Variants in ARHGAP23 observed in about 807,000 individuals in gnomAD.
ARHGAP23 encodes Rho GTPase activating protein 23.
In ARHGAP23, 34 loss-of-function variants were observed where a neutral mutation model predicts 136.3. The ratio of observed to expected loss-of-function variants is 0.25; its 90% CI spans 0.19 to 0.33. The LOEUF is 0.33. Ranked by LOEUF, ARHGAP23 falls within the 10% of genes least tolerant of loss-of-function variation. The pLI is 1.00. For synonymous variants in ARHGAP23, 832 were observed against 920.5 expected (o/e 0.90, Z 1.74); for missense variants, 1,808 against 2,139.0 (o/e 0.85, Z 3.05).
intron 21 of ARHGAP23, among the ~76,000 whole-genome samples, 196 bp from the exon 22 acceptor site, chr17:38,498,218 A>G (rs1047626288): frequency 2.0e-5 from 3 of 152,138 alleles, no homozygotes; most frequent in Non-Finnish European, 4.4e-5. Context: ...GTGTTGAGGA[A>G]GGCACAAAAC....
Position 38,466,774 on chromosome 17 carries a change from C to T in ARHGAP23, c.1091C>T (p.Ala364Val), listed in dbSNP as rs1390789324. 1.3e-6 allele frequency: 2 copies of T among 1,549,130 alleles called. No homozygotes were observed. Among genetic ancestry groups the T allele is most frequent in the Non-Finnish European group, 8.7e-7 (1 of 1,146,364 alleles). ...AGCCGGGCCACCCGTTCTGCCGAGG[C>T]ACTGGGGCCAGGGGCACTGGTGTCA... Reference protein sequence around the residue: ...YLSRATRSAEALGPGALVSPR... With the variant: ...YLSRATRSAEVLGPGALVSPR... Residue 364 changes from alanine (A) to valine (V), a missense_variant, in exon 7 of 24, where the codon GCA (alanine) becomes GTA (valine). Coordinates refer to ENST00000622683, the MANE Select transcript of ARHGAP23 (RefSeq NM_001199417.2).
intron 23 of ARHGAP23, among the ~76,000 whole-genome samples, chr17:38,501,580 C>T (rs1023737603): frequency 1.3e-4 from 20 of 152,076 alleles, no homozygotes; most frequent in Non-Finnish European, 2.5e-4. Flanking sequence ...GGATTACAGG[C>T]GTGAGTCACT....
chr17:38,505,044 A>G (rs1338479267), intron 23 of ARHGAP23, among the ~76,000 whole-genome samples: 1 of 105,618 alleles, frequency 9.5e-6, no homozygotes, highest in Non-Finnish European at 1.7e-5. Flanking sequence ...TTGCTCTGTC[A>G]CCCAGGCTGG....
intron 1 of ARHGAP23, among the ~76,000 whole-genome samples, chr17:38,442,104 C>T (rs1051685810): frequency 4.6e-5 from 7 of 152,268 alleles, no homozygotes; most frequent in Admixed American, 3.9e-4. Flanking sequence ...TACAGGCGTG[C>T]CCCACGGCAC....
At chr17:38,460,269 C>G (rs577059837) in intron 2 of ARHGAP23, among the ~76,000 whole-genome samples, 81 of 152,232 alleles carry the variant, frequency 5.3e-4, no homozygotes, top group Non-Finnish European at 9.6e-4. Flanking sequence ...TCCACTCTCT[C>G]TCACAGAAGA....
chr17:38,486,150 A>T lies in ARHGAP23; in HGVS notation c.2986+10A>T. ...CCTCTTTTCACTGATGGTGAGTAGG[A>T]GGTGGAAGTGGGGCGGGGAGGGGAC... On this transcript the variant is annotated intron_variant, in intron 17 of 23. Coordinates refer to ENST00000622683, the MANE Select transcript of ARHGAP23 (RefSeq NM_001199417.2). 3 of 1,549,718 alleles carry T rather than the reference A, an allele frequency of 1.9e-6. No homozygotes were observed. The highest frequency in any genetic ancestry group is 2.6e-6 in the Non-Finnish European group (3 of 1,145,800).
At chr17:38,454,198 G>T in intron 1 of ARHGAP23, 2 of 153,028 alleles carry the variant, frequency 1.3e-5, no homozygotes, top group South Asian at 3.6e-4. Flanking sequence ...GTCTGAGTGG[G>T]ACTGGGTCAC....
intron 23 of ARHGAP23, among the ~76,000 whole-genome samples, chr17:38,504,257 G>A (rs1161331380): frequency 1.3e-5 from 2 of 152,186 alleles, no homozygotes; most frequent in African/African-American, 2.4e-5. Context: ...CGAGGCTGCC[G>A]GTCTATTAAG....
chr17:38,428,447 C>G, upstream of ARHGAP23: 2 of 1,362,838 alleles, frequency 1.5e-6, no homozygotes, highest in African/African-American at 1.5e-5. Flanking sequence ...GCCGGCGCCC[C>G]CAGCCGTGCC....
At chr17:38,450,421 AT>A (rs1269029796) in intron 1 of ARHGAP23, 2 of 151,896 alleles carry the variant, frequency 1.3e-5, no homozygotes, top group African/African-American at 2.4e-5. Context: ...ATTCTTATTT[AT>A]TTATTTATTT....
Position 38,467,212 on chromosome 17 carries a change from A to G in ARHGAP23, c.1529A>G (p.Asn510Ser), listed in dbSNP as rs1431841838. ...KVQLTPARQM[N>S]LGFGDESPEP... is the part of the protein sequence containing the mutation. The stretch of plus-strand genomic sequence containing the variant: ...CAGCTGACCCCCGCAAGACAGATGA[A>G]CCTTGGATTTGGTGACGAGTCCCCA... The change falls in exon 7 of 24, where the codon AAC becomes AGC. Residue 510 changes from asparagine to serine, a missense_variant. By Grantham distance (46) the Asn-to-Ser change is conservative. Around this residue, in one of 7 missense-constraint regions of ARHGAP23, gnomAD observed 859 missense variants for 936.4 expected, o/e 0.92. Transcript: ENST00000622683. 1.3e-6 allele frequency: 2 copies of G among 1,550,888 alleles called. No individual in the cohort carries two copies. Among genetic ancestry groups the G allele is most frequent in the Admixed American group, 3.9e-5 (2 of 50,992 alleles).
chr17:38,437,796 G>GA (rs1555576670), intron 1 of ARHGAP23, among the ~76,000 whole-genome samples: 2 of 16,366 alleles, frequency 1.2e-4, no homozygotes, highest in African/African-American at 3.0e-4. Flanking sequence ...GCATAACGAA[G>GA]GGGGGGGAGG....
intron 1 of ARHGAP23, among the ~76,000 whole-genome samples, chr17:38,454,417 G>A (rs2039275579): frequency 6.6e-6 from 1 of 152,186 alleles, no homozygotes; most frequent in South Asian, 2.1e-4. Flanking sequence ...GCAGTGGAAG[G>A]ATGGAAGGGA....
intron 11 of ARHGAP23, among the ~76,000 whole-genome samples, chr17:38,473,673 G>A (rs958978355): frequency 1.3e-5 from 2 of 151,864 alleles, no homozygotes; most frequent in African/African-American, 4.8e-5. Flanking sequence ...CCGTGATGCC[G>A]GGGTGCGGGG....
chr17:38,497,953 T>C, intron 21 of ARHGAP23, 127 bp downstream of exon 21: 1 of 980,088 alleles, frequency 1.0e-6, no homozygotes, highest in Non-Finnish European at 1.6e-6. Context: ...CCCTCAAGTC[T>C]GGTGGAGGAA....
chr17:38,510,663 G>C lies in ARHGAP23; in HGVS notation c.4167G>C (p.Arg1389=). 1 of 1,387,426 alleles carries C rather than the reference G, an allele frequency of 7.2e-7. No individual in the cohort carries two copies. The highest frequency in any genetic ancestry group is 9.3e-7 in the Non-Finnish European group (1 of 1,079,340). 85.9% of individuals were successfully genotyped at this position (1,387,426 alleles called of 1,614,324 possible). The change falls in exon 24 of 24, where the codon CGG becomes CGC. Residue 1389 remains arginine (R), a synonymous_variant. Transcript: ENST00000622683. This position sits in a 1 kb window ranked among gnomAD's most constrained non-coding sequence, Gnocchi z 4.6. The part of the protein sequence containing the change: ...TADDMLAVRL[R]RPLSPETRRR... The stretch of plus-strand genomic sequence containing the variant: ...ACGACATGCTCGCCGTGCGCCTGCG[G>C]CGGCCGCTGTCGCCCGAGACCCGGC...
intron 1 of ARHGAP23, among the ~76,000 whole-genome samples, chr17:38,423,379 T>G (rs28406860): frequency 0.016 from 2,190 of 140,648 alleles, 53 homozygotes; most frequent in African/African-American, 0.057. Flanking sequence ...TTGCTTTTTG[T>G]TTTTTTTTTT....
rs971452443 is a variant in ARHGAP23 at position 38,510,403 on chromosome 17, C to G, written c.3907C>G (p.Arg1303Gly). 3.0e-5 allele frequency: 37 copies of G among 1,239,396 alleles called. No homozygotes were observed. In the African/African-American group the frequency reaches 5.3e-4, roughly 18 times the overall value. The allele number at this position is 1,239,396 out of a possible 1,614,324, so 76.8% of individuals were successfully genotyped here. Residue 1303 changes from arginine (R) to glycine (G), a missense_variant, in exon 24 of 24, where the codon CGC (arginine) becomes GGC (glycine). By Grantham distance (125) the Arg-to-Gly change is moderately radical. Around this residue, in one of 7 missense-constraint regions of ARHGAP23, gnomAD observed 506 missense variants for 455.8 expected, o/e 1.11. Transcript: ENST00000622683. The surrounding 1 kb of genome is among the most constrained non-coding windows in gnomAD (Gnocchi z 4.6). ...CGCGGGGCCTGGGGGGCGCCTGACA[C>G]GCCGGCCGTCCTTCAGCTCGCACCA... ...AGAGPGGRLT[R>G]RPSFSSHHLM...
At chr17:38,508,316 A>G (rs2040679220) in intron 23 of ARHGAP23, among the ~76,000 whole-genome samples, 1 of 152,144 alleles carries the variant, frequency 6.6e-6, no homozygotes, top group South Asian at 2.1e-4. Flanking sequence ...GGGGGACATT[A>G]AGGGCTGGCA....
Sources: gnomAD v4.1 joint callset for allele counts (sites outside exome capture counted in the v4.1 genomes callset) on GRCh38, gnomAD v4.1.1 for gene constraint, gnomAD v4.1.1 regional missense constraint, Gnocchi (gnomAD v3.1) non-coding constraint, MANE v1.5 for transcripts, NCBI Gene and HGNC (gene_info 2026-07-23, HGNC 2026-07-21) for gene names.